PTPRD: variants seen among roughly 807,000 people sequenced by gnomAD.
PTPRD encodes receptor-type tyrosine-protein phosphatase delta.
A neutral mutation model predicts 214.5 loss-of-function variants in PTPRD; 34 were observed. The observed-to-expected ratio is 0.16, with a 90% CI of 0.12 to 0.21. The LOEUF (loss-of-function observed/expected upper bound fraction) is 0.21, where lower values mean the gene tolerates loss of function less well. PTPRD is among the 10% of genes least tolerant of loss of function. The pLI, the probability that PTPRD is intolerant of heterozygous loss-of-function variation, is 1.00. For synonymous variants in PTPRD, 1,128 were observed against 845.7 expected (o/e 1.33, Z -5.79); for missense variants, 2,545 against 2,398.7 (o/e 1.06, Z -1.27).
intron 9 of PTPRD, among the ~76,000 whole-genome samples, chr9:9,305,806 G>A (rs1438226336): frequency 6.6e-6 from 1 of 152,104 alleles, no homozygotes; most frequent in Non-Finnish European, 1.5e-5. Context: ...AATTAGAAGA[G>A]GCCATGTGCC....
At chr9:10,514,268 C>A (rs2049249311) in intron 2 of PTPRD, among the ~76,000 whole-genome samples, 1 of 151,424 alleles carries the variant, frequency 6.6e-6, no homozygotes, top group African/African-American at 2.4e-5. Flanking sequence ...TTTAATTTTT[C>A]TTTTATGTAT....
chr9:9,696,788 G>C (rs887951883), intron 7 of PTPRD, among the ~76,000 whole-genome samples: 1 of 151,978 alleles, frequency 6.6e-6, no homozygotes, highest in African/African-American at 2.4e-5. Context: ...GAATAATTTA[G>C]TCTATTTAAA....
intron 3 of PTPRD, among the ~76,000 whole-genome samples, chr9:10,272,802 T>C (rs759049171): frequency 4.6e-5 from 7 of 152,226 alleles, no homozygotes; most frequent in Non-Finnish European, 1.0e-4. Context: ...TGTTTGCCTT[T>C]TTAAAATTCT....
intron 10 of PTPRD, among the ~76,000 whole-genome samples, chr9:9,032,571 G>A (rs951046253): frequency 1.3e-5 from 2 of 151,798 alleles, no homozygotes; most frequent in Admixed American, 1.3e-4. Context: ...GTACCTGTGG[G>A]TCATGCTCTG....
intron 14 of PTPRD, among the ~76,000 whole-genome samples, chr9:8,625,177 A>T (rs1481140506): frequency 6.6e-6 from 1 of 151,902 alleles, no homozygotes; most frequent in African/African-American, 2.4e-5. Flanking sequence ...AGCAAATTAA[A>T]CAGGTCATAT....
intron 2 of PTPRD, among the ~76,000 whole-genome samples, chr9:10,403,664 G>C (rs186221925): frequency 1.3e-5 from 2 of 151,566 alleles, no homozygotes; most frequent in Admixed American, 1.3e-4. Context: ...ATATTACTGA[G>C]TACTAAAAGG....
intron 10 of PTPRD, among the ~76,000 whole-genome samples, chr9:9,082,208 A>G (rs1466168924): frequency 6.6e-6 from 1 of 152,118 alleles, no homozygotes; most frequent in Admixed American, 6.6e-5. Context: ...AAAATCCTCA[A>G]TAAAATACTG....
chr9:9,861,440 A>C (rs1185140545), intron 5 of PTPRD, among the ~76,000 whole-genome samples: 2 of 151,956 alleles, frequency 1.3e-5, no homozygotes, highest in Non-Finnish European at 2.9e-5. Flanking sequence ...ACAGGCATGC[A>C]CCACCATGCC....
intron 9 of PTPRD, among the ~76,000 whole-genome samples, chr9:9,259,620 C>T (rs775165348): frequency 1.3e-5 from 2 of 151,816 alleles, no homozygotes; most frequent in African/African-American, 2.4e-5. Context: ...ACTCTAAAGC[C>T]CATGGGAAAG....
chr9:8,627,165 T>TA (rs2096069787), intron 14 of PTPRD, among the ~76,000 whole-genome samples: 1 of 151,634 alleles, frequency 6.6e-6, no homozygotes, highest in Non-Finnish European at 1.5e-5. Flanking sequence ...CTTGAGCACT[T>TA]TTTATTTCCC....
intron 10 of PTPRD, among the ~76,000 whole-genome samples, chr9:9,024,348 G>GTT (rs752607769): frequency 0.014 from 871 of 64,108 alleles, 27 homozygotes; most frequent in African/African-American, 0.03. Context: ...GTTTTTTTTT[G>GTT]TTTGTTTTTT....
intron 2 of PTPRD, among the ~76,000 whole-genome samples, chr9:10,527,339 A>C (rs2054621156): frequency 6.6e-6 from 1 of 152,274 alleles, no homozygotes; most frequent in South Asian, 2.1e-4. Flanking sequence ...AAATGAGATA[A>C]GAGACTAGGT....
intron 7 of PTPRD, among the ~76,000 whole-genome samples, chr9:9,574,988 G>T (rs2087942039): frequency 6.6e-6 from 1 of 152,090 alleles, no homozygotes; most frequent in Admixed American, 6.6e-5. Flanking sequence ...TGTGATTTGG[G>T]CTCTTTAATG....
At chr9:10,579,581 G>A (rs1278413688) in intron 2 of PTPRD, among the ~76,000 whole-genome samples, 1 of 152,120 alleles carries the variant, frequency 6.6e-6, no homozygotes, top group Non-Finnish European at 1.5e-5. Flanking sequence ...TAACATATAA[G>A]CGCATGAGTG....
chr9:9,307,850 G>C (rs1957621190), intron 9 of PTPRD, among the ~76,000 whole-genome samples: 1 of 152,102 alleles, frequency 6.6e-6, no homozygotes, highest in Admixed American at 6.5e-5. Flanking sequence ...GTCTGTTCTA[G>C]TTCTACTGAA....
intron 11 of PTPRD, among the ~76,000 whole-genome samples, chr9:8,937,133 T>A (rs1335973058): frequency 6.6e-6 from 1 of 152,128 alleles, no homozygotes; most frequent in Non-Finnish European, 1.5e-5. Context: ...AAAATGTTGA[T>A]TAGCTATATT....
At chr9:9,233,531 T>C (rs1348424377) in intron 9 of PTPRD, among the ~76,000 whole-genome samples, 1 of 152,174 alleles carries the variant, frequency 6.6e-6, no homozygotes. Context: ...TGTTAGCTCA[T>C]TCCAGCATTA....
rs776212192 is a variant in PTPRD at position 8,500,874 on chromosome 9, T to C, written c.2008A>G (p.Thr670Ala). Residue 670 changes from threonine (T) to alanine (A), a missense_variant, in exon 24 of 46, where the codon ACC (threonine) becomes GCC (alanine). Transcript: ENST00000381196. ...HEILGIPSDT[T>A]KYLLEQLEKW... is the part of the protein sequence containing the mutation. ...TCCAGCTGTTCCAAAAGGTATTTGGTAGTGTCCGAAGGAATTCCCAAAATC... is the reference window on the plus strand; with the variant it reads ...TCCAGCTGTTCCAAAAGGTATTTGGCAGTGTCCGAAGGAATTCCCAAAATC... 10 of 1,614,128 alleles carry C rather than the reference T, an allele frequency of 6.2e-6. No homozygotes were observed. The highest frequency in any genetic ancestry group is 1.7e-5 in the Admixed American group (1 of 60,016).
chr9:10,542,429 G>A (rs1446689625), intron 2 of PTPRD, among the ~76,000 whole-genome samples: 1 of 151,950 alleles, frequency 6.6e-6, no homozygotes, highest in Non-Finnish European at 1.5e-5. Flanking sequence ...ATTAGAACTT[G>A]GTCATTCTCA....
Sources: gnomAD v4.1 joint callset for allele counts (sites outside exome capture counted in the v4.1 genomes callset) on GRCh38, gnomAD v4.1.1 for gene constraint, MANE v1.5 for transcripts, NCBI Gene and HGNC (gene_info 2026-07-23, HGNC 2026-07-21) for gene names.